The following FAM227B variants were observed in gnomAD, a reference collection of about 807,000 sequenced individuals.
The protein encoded by FAM227B is family with sequence similarity 227 member B, also known as protein FAM227B.
In FAM227B, 88 loss-of-function variants were observed where a neutral mutation model predicts 73.8. The observed-to-expected ratio is 1.19, with a 90% CI of 1.00 to 1.42. The LOEUF is 1.42. FAM227B is among the 40% of genes most tolerant of loss of function. FAM227B has a pLI of 0.00. For missense variants in FAM227B, 632 were observed against 590.9 expected, an observed-to-expected ratio of 1.07 and a Z score of -0.72; for synonymous variants, 210 against 190.5, an observed-to-expected ratio of 1.10 and a Z score of -0.84.
intron 13 of FAM227B, chr15:49,365,773 GC>G: frequency 1.2e-6 from 1 of 855,524 alleles, no homozygotes; most frequent in Admixed American, 1.7e-5. Flanking sequence ...TTGAAACACA[GC>G]CCAAACAATA....
chr15:49,485,449 T>C (rs1380574794), intron 11 of FAM227B: 1 of 151,412 alleles, frequency 6.6e-6, no homozygotes, highest in African/African-American at 2.4e-5. Flanking sequence ...TTTATTGTTT[T>C]GTTATTTAAG....
At chr15:49,347,127 A>G (rs185421504) in intron 13 of FAM227B, among the ~76,000 whole-genome samples, 5 of 152,310 alleles carry the variant, frequency 3.3e-5, no homozygotes, top group Admixed American at 3.3e-4. Context: ...CATTATCAGC[A>G]GTTTTGTAGT....
intron 14 of FAM227B, among the ~76,000 whole-genome samples, chr15:49,332,915 C>G (rs954337897): frequency 6.6e-6 from 1 of 152,092 alleles, no homozygotes; most frequent in Admixed American, 6.5e-5. Context: ...CTCACTCATT[C>G]TCTCTCTGCT....
intron 11 of FAM227B, among the ~76,000 whole-genome samples, chr15:49,432,315 A>C (rs2050687635): frequency 6.6e-6 from 1 of 151,696 alleles, no homozygotes. Flanking sequence ...TGAGATATTA[A>C]GGCTGTTTCC....
At chr15:49,513,703 T>G (rs1295019321) in intron 10 of FAM227B, among the ~76,000 whole-genome samples, 2 of 152,176 alleles carry the variant, frequency 1.3e-5, no homozygotes, top group African/African-American at 4.8e-5. Flanking sequence ...TTACCTAGGT[T>G]TTCTTCTAGG....
rs755489220 is a variant in FAM227B at position 49,335,400 on chromosome 15, T to C, written c.1349+19A>G. On this transcript the variant is annotated intron_variant, in intron 14 of 15. Transcript: ENST00000299338. ...AAAAGTATTATTTTATATTTAACAA[T>C]AGTATAGCATCAACTTACATCCTAA... is the stretch of plus-strand genomic sequence containing the variant. 1 of 1,507,626 alleles carries C rather than the reference T, an allele frequency of 6.6e-7. No homozygotes were observed. Among genetic ancestry groups the C allele is most frequent in the Non-Finnish European group, 9.2e-7 (1 of 1,084,050 alleles). 93.4% of individuals were successfully genotyped at this position (1,507,626 alleles called of 1,614,324 possible).
chr15:49,369,591 T>C (rs573220161), intron 12 of FAM227B, among the ~76,000 whole-genome samples: 1 of 152,282 alleles, frequency 6.6e-6, no homozygotes, highest in Non-Finnish European at 1.5e-5. Flanking sequence ...AAGCTAAACA[T>C]TGATTTTTGA....
rs904206526 is a variant in FAM227B, at chr15:49,400,799, T to C, written c.1013-29400A>G. 5.2e-3 allele frequency among the ~76,000 whole-genome samples: 786 copies of C among 151,174 alleles called. 6 individuals are homozygous for C. Among genetic ancestry groups the C allele is most frequent in the African/African-American group, 0.018 (750 of 40,984 alleles). ...GTGCTGGGAAAACTGGCTAGCCATA[T>C]GCAGAAAGCTGAAACTTGATCCCTT... On this transcript the variant is annotated intron_variant, in intron 11 of 15. Transcript: ENST00000299338.
chr15:49,522,931 A>C (rs1016559285), intron 10 of FAM227B, among the ~76,000 whole-genome samples: 3 of 152,208 alleles, frequency 2.0e-5, no homozygotes, highest in Non-Finnish European at 4.4e-5. Context: ...CAAGAAATTC[A>C]AGGACACCTG....
chr15:49,551,352 A>T (rs2072989691), intron 9 of FAM227B, among the ~76,000 whole-genome samples: 1 of 152,152 alleles, frequency 6.6e-6, no homozygotes. Flanking sequence ...ATTATTATGT[A>T]ATAACCTTCT....
intron 11 of FAM227B, among the ~76,000 whole-genome samples, chr15:49,411,547 A>G (rs2048873538): frequency 6.6e-6 from 1 of 152,124 alleles, no homozygotes; most frequent in African/African-American, 2.4e-5. Flanking sequence ...ATGGAATGGA[A>G]GGCATAAAGA....
chr15:49,413,166 C>T (rs896616670), intron 11 of FAM227B, among the ~76,000 whole-genome samples: 5 of 152,070 alleles, frequency 3.3e-5, no homozygotes, highest in Non-Finnish European at 5.9e-5. Flanking sequence ...GAATTGTACT[C>T]CCATAATTCC....
intron 11 of FAM227B, among the ~76,000 whole-genome samples, chr15:49,376,818 T>C (rs561598079): frequency 6.6e-6 from 1 of 152,170 alleles, no homozygotes; most frequent in Admixed American, 6.5e-5. Flanking sequence ...ATAAGCCTTA[T>C]CTTATCCACT....
In FAM227B at chr15:49,438,611, G is replaced by A. The variant is rs369572981; in HGVS notation, c.1013-67212C>T. 1.2e-4 allele frequency among the ~76,000 whole-genome samples: 18 copies of A among 151,802 alleles called. 1 individual carries two copies. In the South Asian group the frequency reaches 3.5e-3, roughly 30 times the overall value. The stretch of plus-strand genomic sequence containing the variant: ...ATTGAGTTGATAAGAAAGTGAGAGG[G>A]AGCACGAGGACAAGGAAATAATACT... On this transcript the variant is annotated intron_variant, in intron 11 of 15. Coordinates refer to ENST00000299338, the MANE Select transcript of FAM227B (RefSeq NM_152647.3).
At chr15:49,514,940 A>C (rs2059278471) in intron 10 of FAM227B, among the ~76,000 whole-genome samples, 1 of 152,164 alleles carries the variant, frequency 6.6e-6, no homozygotes, top group Non-Finnish European at 1.5e-5. Flanking sequence ...ATAGGTTAGA[A>C]GATTTGAATC....
intron 9 of FAM227B, among the ~76,000 whole-genome samples, chr15:49,561,707 A>G (rs1232989472): frequency 6.6e-6 from 1 of 152,198 alleles, no homozygotes; most frequent in Non-Finnish European, 1.5e-5. Context: ...TCTCAAAACC[A>G]GAAAATCACA....
At chr15:49,367,656 T>TA (rs747728689) in intron 12 of FAM227B, 48 bp from the exon 13 acceptor site, 2 of 1,485,464 alleles carry the variant, frequency 1.3e-6, no homozygotes, top group South Asian at 1.3e-5. Context: ...TTTGTGTTTC[T>TA]AAAAAACTGT....
chr15:49,366,802 G>A (rs1264195275), intron 13 of FAM227B: 6 of 564,128 alleles, frequency 1.1e-5, no homozygotes, highest in African/African-American at 1.0e-4. Context: ...TGGGATCGCC[G>A]CTGCTGCAGG....
rs1567359064 is a variant in FAM227B at position 49,479,597 on chromosome 15, C to CTTT, written c.1012+28613_1012+28614insAAA. 1.7e-4 allele frequency among the ~76,000 whole-genome samples: 17 copies of CTTT among 102,082 alleles called. No homozygotes were observed. The East Asian group carries it at 1.7e-3, about 10-fold the overall frequency. 67.0% of individuals were successfully genotyped at this position (102,082 alleles called of 152,430 possible). A position where few individuals can be genotyped will look rare whatever the true frequency, so the allele number is the denominator to read the frequency against. ...GGGTAGGATTTCATAGTTAATACCT[C>CTTT]TGTTTTTTTTTTTTTTTTTTTTTTT... is the stretch of plus-strand genomic sequence containing the variant. On this transcript the variant is annotated intron_variant, in intron 11 of 15. Transcript: ENST00000299338.
Sources: gnomAD v4.1 joint callset for allele counts (sites outside exome capture counted in the v4.1 genomes callset) on GRCh38, gnomAD v4.1.1 for gene constraint, MANE v1.5 for transcripts, NCBI Gene and HGNC (gene_info 2026-07-23, HGNC 2026-07-21) for gene names.